Variants in PLCE1 observed in about 807,000 individuals in gnomAD.
PLCE1 encodes the protein 1-phosphatidylinositol 4,5-bisphosphate phosphodiesterase epsilon-1.
In PLCE1, 119 loss-of-function variants were observed where a neutral mutation model predicts 242.8. That is an observed-to-expected ratio of 0.49 (90% confidence interval 0.42 to 0.57). The LOEUF (loss-of-function observed/expected upper bound fraction) is 0.57. Among genes scored for constraint, PLCE1 ranks in the 20% least tolerant of loss-of-function variants. The probability of loss-of-function intolerance (pLI) is 0.00; values close to 1 mark genes in which losing one functional copy is unlikely to be tolerated. For missense variants in PLCE1, 2,441 were observed against 2,788.8 expected (o/e 0.88, Z 2.81); for synonymous variants, 945 against 1,017.4 (o/e 0.93, Z 1.35).
rs559496577 is a variant in PLCE1, at chr10:94,071,495, G to GTT, written c.1206+39263_1206+39264dup. 3.2e-3 allele frequency among the ~76,000 whole-genome samples: 264 copies of GTT among 83,304 alleles called. 18 individuals are homozygous for GTT. Among genetic ancestry groups the GTT allele is most frequent in the East Asian group, 0.022 (50 of 2,280 alleles). The allele number at this position is 83,304 out of a possible 152,430, so 54.7% of individuals were successfully genotyped here. A position where few individuals can be genotyped will look rare whatever the true frequency, so the allele number is the denominator to read the frequency against. ...GTCTGTGTGTGTGTGTTTGGTTTTC[G>GTT]TTTTTTTTTTTTTTTTTTTTTGAGT... is the stretch of plus-strand genomic sequence containing the variant. On this transcript the variant is annotated intron_variant, in intron 2 of 32. Transcript: ENST00000371380.
chr10:94,096,895 A>ATGTTC (rs1424108348), intron 2 of PLCE1: 2 of 152,260 alleles, frequency 1.3e-5, no homozygotes, highest in Non-Finnish European at 2.9e-5. Flanking sequence ...AAACATTCAT[A>ATGTTC]TCAGCGAGTC....
At chr10:94,315,944 G>A (rs1319925101) in intron 28 of PLCE1, among the ~76,000 whole-genome samples, 1 of 151,800 alleles carries the variant, frequency 6.6e-6, no homozygotes, top group Admixed American at 6.6e-5. Context: ...CCAATAATTC[G>A]TAGCCAACAA....
intron 26 of PLCE1, among the ~76,000 whole-genome samples, chr10:94,307,052 C>T (rs371824826): frequency 7.2e-5 from 11 of 152,166 alleles, no homozygotes; most frequent in African/African-American, 2.4e-4. Context: ...CATAAGTGAC[C>T]GTGCAGTTGG....
At chr10:94,165,400 A>G (rs1317561125) in intron 3 of PLCE1, among the ~76,000 whole-genome samples, 1 of 152,144 alleles carries the variant, frequency 6.6e-6, no homozygotes, top group African/African-American at 2.4e-5. Context: ...GCAATGAGCG[A>G]GGCTCTGTGG....
chr10:94,265,911 A>C lies in PLCE1; in HGVS notation c.4234A>C (p.Thr1412Pro). ...YIESSHNTYL[T>P]GHQLKGESSV... ...CGAATCTTCGCACAATACCTACCTCACGGGCCATCAGCTCAAAGGAGAATC... is the reference window on the plus strand; with the variant it reads ...CGAATCTTCGCACAATACCTACCTCCCGGGCCATCAGCTCAAAGGAGAATC... The change falls in exon 16 of 33, where the codon ACG becomes CCG. Residue 1412 changes from threonine (T) to proline (P), a missense_variant. Transcript: ENST00000371380. 1 of 1,613,924 alleles carries C rather than the reference A, an allele frequency of 6.2e-7. No homozygotes were observed. The highest frequency in any genetic ancestry group is 1.1e-5 in the South Asian group (1 of 91,074).
intron 2 of PLCE1, among the ~76,000 whole-genome samples, chr10:94,109,641 A>G (rs1040023934): frequency 1.3e-5 from 2 of 152,190 alleles, no homozygotes; most frequent in Non-Finnish European, 2.9e-5. Context: ...ATAAAATTAA[A>G]TACAATAAAG....
intron 2 of PLCE1, among the ~76,000 whole-genome samples, chr10:94,046,237 G>A (rs547970210): frequency 8.5e-5 from 13 of 152,346 alleles, no homozygotes; most frequent in Admixed American, 2.0e-4. Context: ...GTTAATGAGT[G>A]TGAGTGCTTC....
chr10:94,250,524 G>A (rs751561678), intron 8 of PLCE1, among the ~76,000 whole-genome samples: 11 of 151,986 alleles, frequency 7.2e-5, no homozygotes, highest in Admixed American at 2.6e-4. Context: ...AGAGAAGAAA[G>A]TATATCCTTC....
intron 2 of PLCE1, among the ~76,000 whole-genome samples, chr10:94,121,440 G>T (rs1166741464): frequency 6.6e-6 from 1 of 152,190 alleles, no homozygotes; most frequent in Admixed American, 6.5e-5. Context: ...AGATGGTGAT[G>T]GCTTTTGGGG....
At chr10:94,059,284 G>A (rs1294220061) in intron 2 of PLCE1, among the ~76,000 whole-genome samples, 1 of 152,184 alleles carries the variant, frequency 6.6e-6, no homozygotes, top group East Asian at 1.9e-4. Context: ...TCAGAAGAGA[G>A]AATTGCCACA....
chr10:94,129,964 T>C (rs1160270334), intron 2 of PLCE1, among the ~76,000 whole-genome samples: 1 of 152,142 alleles, frequency 6.6e-6, no homozygotes, highest in African/African-American at 2.4e-5. Context: ...GCTGTCCTTA[T>C]TGCTTGCATG....
intron 1 of PLCE1, among the ~76,000 whole-genome samples, chr10:93,998,811 G>A (rs932833711): frequency 1.3e-5 from 2 of 152,124 alleles, no homozygotes; most frequent in Non-Finnish European, 2.9e-5. Flanking sequence ...GTTACTTTAC[G>A]TGACAAAAGG....
chr10:94,190,625 G>A (rs11187809), intron 4 of PLCE1, among the ~76,000 whole-genome samples: 16,442 of 152,164 alleles, frequency 0.11, 1,847 homozygotes, highest in African/African-American at 0.29. Context: ...CAACAACAAC[G>A]AAAGATAATG....
intron 1 of PLCE1, among the ~76,000 whole-genome samples, chr10:93,997,001 G>T (rs1176365629): frequency 6.6e-6 from 1 of 152,086 alleles, no homozygotes; most frequent in East Asian, 1.9e-4. Flanking sequence ...TAACTTTAAA[G>T]TTTCCAAATT....
chr10:94,094,916 T>C (rs2135415861), intron 2 of PLCE1: 1 of 152,332 alleles, frequency 6.6e-6, no homozygotes, highest in East Asian at 1.9e-4. Flanking sequence ...TCAACTCCAA[T>C]GCCTATTTTT....
chr10:94,276,123 C>T, intron 19 of PLCE1, among the ~76,000 whole-genome samples: 1 of 152,132 alleles, frequency 6.6e-6, no homozygotes, highest in South Asian at 2.1e-4. Flanking sequence ...TCCCAAGTTG[C>T]CCTTGAGTCA....
intron 2 of PLCE1, among the ~76,000 whole-genome samples, chr10:94,090,172 TAA>T (rs879419941): frequency 6.9e-6 from 1 of 145,006 alleles, no homozygotes; most frequent in Non-Finnish European, 1.5e-5. Context: ...TTGCTTTTCT[TAA>T]AAAAAAAAAG....
chr10:94,243,941 C>T (rs1282015379), intron 7 of PLCE1, among the ~76,000 whole-genome samples: 2 of 152,062 alleles, frequency 1.3e-5, no homozygotes, highest in Non-Finnish European at 2.9e-5. Flanking sequence ...ATGTAGTTAG[C>T]TATTGCTTAT....
chr10:94,091,622 G>C (rs922474150), intron 2 of PLCE1, among the ~76,000 whole-genome samples: 3 of 152,180 alleles, frequency 2.0e-5, no homozygotes, highest in East Asian at 1.9e-4. Flanking sequence ...AATTGAAAAT[G>C]CTCTTGAGAT....
Sources: gnomAD v4.1 joint callset for allele counts (sites outside exome capture counted in the v4.1 genomes callset) on GRCh38, gnomAD v4.1.1 for gene constraint, MANE v1.5 for transcripts, NCBI Gene and HGNC (gene_info 2026-07-23, HGNC 2026-07-21) for gene names.